ACTG2: variants seen among roughly 807,000 people sequenced by gnomAD.
The protein encoded by ACTG2 is actin gamma 2, smooth muscle.
A neutral mutation model predicts 37.6 loss-of-function variants in ACTG2; 16 were observed. That is an observed-to-expected ratio of 0.43 (90% CI 0.29 to 0.65). ACTG2 has a LOEUF of 0.65. ACTG2 is among the 30% of genes least tolerant of loss of function. ACTG2 has a pLI of 0.18. For missense variants in ACTG2, 238 were observed against 490.9 expected, an observed-to-expected ratio of 0.48 and a Z score of 4.87; for synonymous variants, 181 against 179.9, an observed-to-expected ratio of 1.01 and a Z score of -0.05.
chr2:73,898,802 CTTTTTTTTTTT>C (rs1165118275), intron 1 of ACTG2, among the ~76,000 whole-genome samples: 4 of 93,016 alleles, frequency 4.3e-5, no homozygotes, highest in Admixed American at 2.1e-4. Context: ...TTTTTTTTTT[CTTTTTTTTTTT>C]TTTTTTTGAG....
At chr2:73,911,385 T>C (rs755561589) in intron 5 of ACTG2, among the ~76,000 whole-genome samples, 1 of 151,882 alleles carries the variant, frequency 6.6e-6, no homozygotes. Flanking sequence ...TAGTCCCAGC[T>C]ACTCGGTAGG....
rs370030211 is a variant in ACTG2, at chr2:73,904,129, G to C, written c.255+1641G>C. ...CTGGGCATGGTAACACATGACTGCG[G>C]TCTCAGCTATTCAGGAGGCTGAGGC... On this transcript the variant is annotated intron_variant, in intron 3 of 8. Coordinates refer to ENST00000345517, the MANE Select transcript of ACTG2 (RefSeq NM_001615.4). 2.0e-5 allele frequency among the ~76,000 whole-genome samples: 3 copies of C among 150,792 alleles called. No homozygotes were observed. The East Asian group carries it at 5.9e-4, about 30-fold the overall frequency.
At chr2:73,912,892 A>G (rs1390677436) in intron 5 of ACTG2, among the ~76,000 whole-genome samples, 2 of 152,152 alleles carry the variant, frequency 1.3e-5, no homozygotes, top group Non-Finnish European at 2.9e-5. Context: ...ATGAGGCTGG[A>G]CGCAGTGGCA....
Position 73,914,888 on chromosome 2 carries a change from A to G in ACTG2, c.805+17A>G, listed in dbSNP as rs1453118390. The G allele has an allele frequency of 2.0e-6, 3 of 1,527,394 alleles. No individual in the cohort carries two copies. In the South Asian group the frequency reaches 3.8e-5, roughly 19 times the overall value. The allele number at this position is 1,527,394 out of a possible 1,614,324, so 94.6% of individuals were successfully genotyped here. A position where few individuals can be genotyped will look rare whatever the true frequency, so the allele number is the denominator to read the frequency against. On this transcript the variant is annotated intron_variant, in intron 7 of 8. Coordinates refer to ENST00000345517, the MANE Select transcript of ACTG2 (RefSeq NM_001615.4). ...CCTTTATTGGTGAGGTGCTGCCCAC[A>G]GTCCCTGCCAATCTCAGGAGGGGAG...
intron 7 of ACTG2, among the ~76,000 whole-genome samples, 157 bp from the exon 8 acceptor site, chr2:73,916,427 T>C (rs1419269364): frequency 1.3e-5 from 2 of 150,168 alleles, no homozygotes; most frequent in African/African-American, 2.5e-5. Context: ...GGAAAGGCCA[T>C]GACAAGGAAG....
intron 1 of ACTG2, among the ~76,000 whole-genome samples, chr2:73,898,914 T>C (rs1679814088): frequency 6.7e-6 from 1 of 149,304 alleles, no homozygotes; most frequent in Non-Finnish European, 1.5e-5. Flanking sequence ...GCCATTCTCC[T>C]GCCTCAGCCT....
At chr2:73,901,233 T>G (rs1175250054) in intron 1 of ACTG2, 43 bp from the exon 2 acceptor site, 3 of 1,424,522 alleles carry the variant, frequency 2.1e-6, no homozygotes, top group African/African-American at 1.4e-5. Context: ...CCAAACTGAT[T>G]TGACAAGTGG....
chr2:73,903,743 C>T (rs1679941094), intron 3 of ACTG2, among the ~76,000 whole-genome samples: 1 of 151,976 alleles, frequency 6.6e-6, no homozygotes. Context: ...AGCTTGAGAC[C>T]AACCTGGCCA....
At chr2:73,904,777 G>GTATATATATATATA (rs199782884) in intron 3 of ACTG2, among the ~76,000 whole-genome samples, 11 of 42,628 alleles carry the variant, frequency 2.6e-4, no homozygotes, top group Non-Finnish European at 3.3e-4. Flanking sequence ...GTGTGTGTGT[G>GTATATATATATATA]TATATATATA....
At chr2:73,913,378 T>C in intron 5 of ACTG2, 107 bp from the exon 6 acceptor site, 2 of 1,064,762 alleles carry the variant, frequency 1.9e-6, no homozygotes, top group Non-Finnish European at 2.6e-6. Context: ...TATTCTTAAC[T>C]GGTAAAGGAA....
chr2:73,893,413 A>G (rs1267599977), intron 1 of ACTG2, among the ~76,000 whole-genome samples: 2 of 152,204 alleles, frequency 1.3e-5, no homozygotes, highest in African/African-American at 4.8e-5. Context: ...AGGGGATCAT[A>G]TACTTTGCAG....
rs1400119578 is a variant in ACTG2, at chr2:73,916,026, GA to G, written c.806-552del. On this transcript the variant is annotated intron_variant, in intron 7 of 8. Transcript: ENST00000345517. ...ACTGAATTATATCTCAAAAAGTTAT[GA>G]AAAAAGAAAGATGATATAACAAAAG... Among the ~76,000 whole-genome samples, 4 of 152,190 alleles carry G rather than the reference GA, an allele frequency of 2.6e-5. No homozygotes were observed. In the East Asian group the frequency reaches 7.7e-4, roughly 29 times the overall value.
intron 3 of ACTG2, among the ~76,000 whole-genome samples, chr2:73,903,735 C>T (rs1037864193): frequency 1.3e-5 from 2 of 151,898 alleles, no homozygotes; most frequent in Non-Finnish European, 2.9e-5. Context: ...AAATCAGGAG[C>T]TTGAGACCAA....
intron 3 of ACTG2, among the ~76,000 whole-genome samples, chr2:73,903,371 T>C (rs1679931968): frequency 6.6e-6 from 1 of 152,210 alleles, no homozygotes; most frequent in Admixed American, 6.5e-5. Flanking sequence ...CAATGTGAGA[T>C]AAGTACTGCA....
intron 2 of ACTG2, 144 bp from the exon 3 acceptor site, chr2:73,902,216 A>C: frequency 1.1e-6 from 1 of 934,228 alleles, no homozygotes; most frequent in Non-Finnish European, 1.6e-6. Context: ...CATCTGCTCC[A>C]TCCTGTCTCC....
rs1293708554 is a variant in ACTG2, at chr2:73,919,836, CA to C, written c.*262del. The stretch of plus-strand genomic sequence containing the variant: ...GGACTTGCGAAGATCACACAGATTC[CA>C]GATTAAAATTCAAGTATCTGACTGC... On this transcript the variant is annotated 3_prime_UTR_variant, in exon 9 of 9. Coordinates refer to ENST00000345517, the MANE Select transcript of ACTG2 (RefSeq NM_001615.4). 6.5e-6 allele frequency: 2 copies of C among 307,514 alleles called. No individual in the cohort carries two copies. Among genetic ancestry groups the C allele is most frequent in the Non-Finnish European group, 1.2e-5 (2 of 169,086 alleles). 19.0% of individuals were successfully genotyped at this position (307,514 alleles called of 1,614,324 possible).
chr2:73,901,267 A>T lies in ACTG2; in HGVS notation c.-36-9A>T, dbSNP rs530365654. 5.3e-6 allele frequency: 8 copies of T among 1,504,980 alleles called. No homozygotes were observed. The highest frequency in any genetic ancestry group is 1.8e-4 in the Middle Eastern group (1 of 5,636). The allele number at this position is 1,504,980 out of a possible 1,614,324, so 93.2% of individuals were successfully genotyped here. A position where few individuals can be genotyped will look rare whatever the true frequency, so the allele number is the denominator to read the frequency against. ...GGCTGACTAGTTCTCTTCTCCCGCA[A>T]ATCCCAAGGTGCTCCAGTCCCCAGC... On this transcript the variant is annotated splice_polypyrimidine_tract_variant and intron_variant, in intron 1 of 8. Transcript: ENST00000345517.
At chr2:73,904,777 G>GTGTGTGTGTGTGTATATATATA (rs1427483105) in intron 3 of ACTG2, among the ~76,000 whole-genome samples, 3 of 42,632 alleles carry the variant, frequency 7.0e-5, no homozygotes, top group African/African-American at 2.3e-4. Flanking sequence ...GTGTGTGTGT[G>GTGTGTGTGTGTGTATATATATA]TATATATATA....
At chr2:73,912,942 T>G (rs977546359) in intron 5 of ACTG2, among the ~76,000 whole-genome samples, 7 of 152,092 alleles carry the variant, frequency 4.6e-5, no homozygotes, top group African/African-American at 1.7e-4. Flanking sequence ...CCGAGGCAGG[T>G]GAATTGCCTG....
Sources: allele counts gnomAD v4.1 joint callset (sites outside exome capture counted in the v4.1 genomes callset), GRCh38; gene constraint gnomAD v4.1.1; transcripts MANE v1.5; gene names NCBI Gene and HGNC (gene_info 2026-07-23, HGNC 2026-07-21).